Variants in IGF2R observed in about 807,000 individuals in gnomAD.
The protein encoded by IGF2R is cation-independent mannose-6-phosphate receptor.
A neutral mutation model predicts 270.6 loss-of-function variants in IGF2R; 91 were observed. That is an observed-to-expected ratio of 0.34 (90% CI 0.28 to 0.40). IGF2R has a LOEUF of 0.40. IGF2R is among the 10% of genes least tolerant of loss of function. The pLI, the probability that IGF2R is intolerant of heterozygous loss-of-function variation, is 1.00. For synonymous variants in IGF2R, 1,316 were observed against 1,258.9 expected, an observed-to-expected ratio of 1.05 and a Z score of -0.96; for missense variants, 2,805 against 3,188.3, an observed-to-expected ratio of 0.88 and a Z score of 2.90.
At chr6:160,079,284 T>C (rs1778922672) in intron 37 of IGF2R, among the ~76,000 whole-genome samples, 1 of 152,168 alleles carries the variant, frequency 6.6e-6, no homozygotes, top group South Asian at 2.1e-4. Context: ...CACTGCTGGG[T>C]CCCTTCTCAC....
rs547602903 is a variant in IGF2R, at chr6:160,008,602, C to T, written c.290-408C>T. Among the ~76,000 whole-genome samples, 4 of 152,194 alleles carry T rather than the reference C, an allele frequency of 2.6e-5. No individual in the cohort carries two copies. The South Asian group carries it at 6.2e-4, about 24-fold the overall frequency. On this transcript the variant is annotated intron_variant, in intron 2 of 47. Transcript: ENST00000356956. ...CATTTCAGTGGCTGAGTTATATATC[C>T]TGATTTGTATTTTTGAAGATCACAC...
At chr6:160,022,469 T>C (rs2115221259) in intron 4 of IGF2R, among the ~76,000 whole-genome samples, 1 of 152,270 alleles carries the variant, frequency 6.6e-6, no homozygotes, top group South Asian at 2.1e-4. Context: ...TTGATGTTTT[T>C]TAAAATAAAA....
chr6:160,044,624 A>C lies in IGF2R; in HGVS notation c.1732A>C (p.Ile578Leu). Residue 578 changes from isoleucine to leucine, a missense_variant, in exon 13 of 48, where the codon ATT becomes CTT. Ile to Leu is a conservative substitution (Grantham distance 5). This residue lies in a region of IGF2R where 954 missense variants were observed against 981.1 expected (regional missense o/e 0.97). Coordinates refer to ENST00000356956, the MANE Select transcript of IGF2R (RefSeq NM_000876.4). The stretch of plus-strand genomic sequence containing the variant: ...TGATGATTGTGGTCATGGCAAGAAA[A>C]TTAAAACTAATATCACACTTGTATG... ...DGDDCGHGKK[I>L]KTNITLVCKP... 2 of 1,609,420 alleles carry C rather than the reference A, an allele frequency of 1.2e-6. No homozygotes were observed. The highest frequency in any genetic ancestry group is 4.5e-5 in the East Asian group (2 of 44,878).
intron 46 of IGF2R, 77 bp from the exon 47 acceptor site, chr6:160,103,669 G>A: frequency 1.0e-6 from 1 of 961,146 alleles, no homozygotes; most frequent in Non-Finnish European, 1.7e-6. Flanking sequence ...GCAGATGGGG[G>A]TGGGGCTGGC....
chr6:160,094,056 C>G, intron 44 of IGF2R: 2 of 549,486 alleles, frequency 3.6e-6, no homozygotes, highest in Admixed American at 2.2e-5. Context: ...CTTGACAGTC[C>G]TCCTGTCCAC....
intron 23 of IGF2R, 38 bp downstream of exon 23, chr6:160,060,755 A>T (rs760112455): frequency 5.0e-5 from 81 of 1,606,324 alleles, no homozygotes; most frequent in East Asian, 2.5e-4. Flanking sequence ...AGGCCGGTCA[A>T]GAGTCAGTGT....
At position 160,069,938 on chromosome 6, in the gene IGF2R, G is replaced by C. The variant is rs763719977; in HGVS notation, c.4323G>C (p.Arg1441Ser). 1 of 1,614,210 alleles carries C rather than the reference G, an allele frequency of 6.2e-7. No homozygotes were observed. Among genetic ancestry groups the C allele is most frequent in the East Asian group, 2.2e-5 (1 of 44,882 alleles). Residue 1441 changes from arginine (R) to serine (S), a missense_variant, in exon 31 of 48, where the codon AGG becomes AGC. Physicochemically the swap from Arg to Ser is moderately radical, Grantham distance 110. Coordinates refer to ENST00000356956, the MANE Select transcript of IGF2R (RefSeq NM_000876.4). ...AGCCCGTGAACCTCGGCAGGGTAAG[G>C]GACGGACCTCAGTGGAGAGATGGCA... is the stretch of plus-strand genomic sequence containing the variant. ...GSKPVNLGRV[R>S]DGPQWRDGII...
chr6:160,027,133 T>TG (rs1440202515), intron 5 of IGF2R, 52 bp from the exon 6 acceptor site: 5 of 1,604,546 alleles, frequency 3.1e-6, no homozygotes, highest in Non-Finnish European at 4.3e-6. Context: ...AGGGTACGTG[T>TG]GATTATCACT....
At chr6:159,978,297 TC>T (rs2115169750) in intron 1 of IGF2R, among the ~76,000 whole-genome samples, 1 of 152,070 alleles carries the variant, frequency 6.6e-6, no homozygotes, top group South Asian at 2.1e-4. Flanking sequence ...GAGGAGTCCT[TC>T]CTCACTCAGA....
At position 160,046,484 on chromosome 6, in the gene IGF2R, T is replaced by A; in HGVS notation, c.1904-14T>A. 6.3e-7 allele frequency: 1 copy of A among 1,599,482 alleles called. No individual in the cohort carries two copies. The highest frequency in any genetic ancestry group is 8.5e-7 in the Non-Finnish European group (1 of 1,176,276). On this transcript the variant is annotated splice_polypyrimidine_tract_variant and intron_variant, in intron 14 of 47. Transcript: ENST00000356956. ...CTGACCTTCCATACTTTTATTGTTTTTATTCTTTCTTAGGGTTTTCTTTTG... is the reference window on the plus strand; with the variant it reads ...CTGACCTTCCATACTTTTATTGTTTATATTCTTTCTTAGGGTTTTCTTTTG...
At chr6:160,047,099 C>A in intron 15 of IGF2R, 60 bp from the exon 16 acceptor site, 1 of 1,525,520 alleles carries the variant, frequency 6.6e-7, no homozygotes, top group Admixed American at 1.7e-5. Context: ...TTCAGTGTGG[C>A]AGCCTTGGAG....
intron 1 of IGF2R, among the ~76,000 whole-genome samples, chr6:159,980,809 C>T (rs1235573753): frequency 2.0e-5 from 3 of 152,216 alleles, no homozygotes; most frequent in East Asian, 3.8e-4. Flanking sequence ...GAATTCTGCG[C>T]TGGGGGCTGG....
Position 160,047,206 on chromosome 6 carries a change from A to G in IGF2R, c.2099A>G (p.Tyr700Cys), listed in dbSNP as rs184993631. 6 of 1,614,154 alleles carry G rather than the reference A, an allele frequency of 3.7e-6. No homozygotes were observed. Among genetic ancestry groups the G allele is most frequent in the East Asian group, 4.5e-5 (2 of 44,890 alleles). ...NLGLSNAKLS[Y>C]YDGMIQLNYR... ...GGTCTGAGTAATGCGAAGCTTTCAT[A>G]TTATGATGGGATGATCCAACTGAAC... The change falls in exon 16 of 48, where the codon TAT (tyrosine) becomes TGT (cysteine). Residue 700 changes from tyrosine to cysteine, a missense_variant. Tyr to Cys is a radical substitution (Grantham distance 194, BLOSUM62 -2). Coordinates refer to ENST00000356956, the MANE Select transcript of IGF2R (RefSeq NM_000876.4).
intron 1 of IGF2R, among the ~76,000 whole-genome samples, chr6:159,980,951 AT>A (rs923513237): frequency 1.3e-5 from 2 of 152,234 alleles, no homozygotes; most frequent in African/African-American, 4.8e-5. Flanking sequence ...TTGGAAGAAA[AT>A]CATCACGGAG....
intron 19 of IGF2R, 151 bp from the exon 20 acceptor site, chr6:160,056,273 G>A (rs1484959447): frequency 3.2e-6 from 2 of 629,816 alleles, no homozygotes; most frequent in Non-Finnish European, 2.9e-6. Context: ...ATTCTAATTA[G>A]GTAATGCACA....
At chr6:160,079,027 G>T (rs1778916441) in intron 37 of IGF2R, among the ~76,000 whole-genome samples, 1 of 152,164 alleles carries the variant, frequency 6.6e-6, no homozygotes, top group Admixed American at 6.5e-5. Flanking sequence ...ACCTGCTGTG[G>T]CACGGCGGCT....
Position 160,058,067 on chromosome 6 carries a change from T to C in IGF2R, c.2841T>C (p.Leu947=). 1 of 1,613,924 alleles carries C rather than the reference T, an allele frequency of 6.2e-7. No individual in the cohort carries two copies. The highest frequency in any genetic ancestry group is 8.5e-7 in the Non-Finnish European group (1 of 1,179,766). ...CCAACAGTGGATTTGTGTTTAATCT[T>C]AATCCGCTAAACAGTTCGCAAGGAT... ...RDPNSGFVFN[L]NPLNSSQGYN... is the part of the protein sequence containing the mutation. Residue 947 remains leucine, a synonymous_variant, in exon 21 of 48, where the codon CTT becomes CTC. Transcript: ENST00000356956.
At chr6:160,039,290 CT>C (rs1490737184) in intron 10 of IGF2R, among the ~76,000 whole-genome samples, 1 of 152,126 alleles carries the variant, frequency 6.6e-6, no homozygotes, top group Non-Finnish European at 1.5e-5. Flanking sequence ...ATTTGAGTAT[CT>C]AAATATATCT....
chr6:160,006,206 T>TC (rs138795126), intron 2 of IGF2R: 27,631 of 122,192 alleles, frequency 0.23, 3,291 homozygotes, highest in East Asian at 0.57. Flanking sequence ...CCCACGCGCC[T>TC]CCCCCCTCGC....
Sources: allele counts gnomAD v4.1 joint callset (sites outside exome capture counted in the v4.1 genomes callset), GRCh38; gene constraint gnomAD v4.1.1; regional missense constraint gnomAD v4.1.1; transcripts MANE v1.5; gene names NCBI Gene and HGNC (gene_info 2026-07-23, HGNC 2026-07-21).